The following ANO6 variants were observed in gnomAD, a reference collection of about 807,000 sequenced individuals.
The protein encoded by ANO6 is anoctamin-6.
In ANO6, 106 loss-of-function variants were observed where a neutral mutation model predicts 117.5. The observed-to-expected ratio is 0.90, with a 90% CI of 0.77 to 1.06. The LOEUF is 1.06. Among genes scored for constraint, ANO6 ranks in the 50% least tolerant of loss-of-function variants. ANO6 has a pLI of 0.00. For missense variants in ANO6, 955 were observed against 1,121.1 expected, an observed-to-expected ratio of 0.85 and a Z score of 2.12; for synonymous variants, 367 against 385.1, an observed-to-expected ratio of 0.95 and a Z score of 0.55.
chr12:45,244,174 T>C lies in ANO6; in HGVS notation c.70+27783T>C, dbSNP rs1242076325. ...GTTTCAGTTCATGTTCTTGTGATTGTCGCCTTATTTTTGTTGTAACCAAAA... is the reference window on the plus strand; with the variant it reads ...GTTTCAGTTCATGTTCTTGTGATTGCCGCCTTATTTTTGTTGTAACCAAAA... On this transcript the variant is annotated intron_variant, in intron 1 of 19. Transcript: ENST00000320560. Among the ~76,000 whole-genome samples, 5 of 152,236 alleles carry C rather than the reference T, an allele frequency of 3.3e-5. No homozygotes were observed. The East Asian group carries it at 5.8e-4, about 18-fold the overall frequency.
At chr12:45,357,540 G>A in intron 8 of ANO6, 116 bp downstream of exon 8, 1 of 1,316,392 alleles carries the variant, frequency 7.6e-7, no homozygotes. Context: ...TTCATTGCTT[G>A]GGATGATATA....
intron 1 of ANO6, among the ~76,000 whole-genome samples, chr12:45,261,694 G>A (rs770951601): frequency 2.6e-5 from 4 of 152,202 alleles, no homozygotes; most frequent in Admixed American, 2.0e-4. Flanking sequence ...AGGTGTTGCA[G>A]ACTGGCTCAT....
chr12:45,235,960 C>G (rs927705459), intron 1 of ANO6, among the ~76,000 whole-genome samples: 1 of 152,200 alleles, frequency 6.6e-6, no homozygotes, highest in Non-Finnish European at 1.5e-5. Context: ...GTGCCCCTTC[C>G]GGGATCCTGG....
intron 3 of ANO6, among the ~76,000 whole-genome samples, chr12:45,343,357 A>C (rs971141366): frequency 6.6e-6 from 1 of 152,164 alleles, no homozygotes; most frequent in East Asian, 1.9e-4. Context: ...TTCACATGCT[A>C]ACTGAAATTC....
At position 45,250,184 on chromosome 12, in the gene ANO6, G is replaced by A. The variant is rs149358838; in HGVS notation, c.70+33793G>A. Reference sequence around the variant, plus strand: ...TAAGTACTAAAAAAGTAACAGCGGCGTTTACCTGAAGATGTTTCACATGAA... The same window carrying A: ...TAAGTACTAAAAAAGTAACAGCGGCATTTACCTGAAGATGTTTCACATGAA... On this transcript the variant is annotated intron_variant, in intron 1 of 19. Coordinates refer to ENST00000320560, the MANE Select transcript of ANO6 (RefSeq NM_001025356.3). Among the ~76,000 whole-genome samples, 21 of 152,274 alleles carry A rather than the reference G, an allele frequency of 1.4e-4. 1 individual carries two copies. In the South Asian group the frequency reaches 2.5e-3, roughly 18 times the overall value.
chr12:45,403,172 C>T lies in ANO6; in HGVS notation c.1713C>T (p.Phe571=). The change falls in exon 14 of 20, where the codon TTC becomes TTT. Residue 571 remains phenylalanine (F), a synonymous_variant. Transcript: ENST00000320560. ...ACTCTTCATGCTTCTACATAGCATT[C>T]TTTAAGGGCAAATTTGTAGGCTATC... ...NYYSSCFYIA[F]FKGKFVGYPG... is the part of the protein sequence containing the mutation. The T allele has an allele frequency of 6.2e-7, 1 of 1,614,000 alleles. No homozygotes were observed. The highest frequency in any genetic ancestry group is 2.2e-5 in the East Asian group (1 of 44,844).
downstream of ANO6, among the ~76,000 whole-genome samples, chr12:45,433,617 G>A (rs550111917): frequency 6.6e-6 from 1 of 152,322 alleles, no homozygotes; most frequent in South Asian, 2.1e-4. Flanking sequence ...GCAAGAATGT[G>A]ATCTTTGTCC....
rs761870704 is a variant in ANO6, at chr12:45,323,935, ATTTTTTTTTT to A, written c.151-7350_151-7341del. ...TGTTTTTTTTTGTTGTTGTTGTTGTATTTTTTTTTTTTTTTTTTTGAGACAGAATTTTGCT... is the reference window on the plus strand; with the variant it reads ...TGTTTTTTTTTGTTGTTGTTGTTGTATTTTTTTTTGAGACAGAATTTTGCT... On this transcript the variant is annotated intron_variant, in intron 2 of 19. Transcript: ENST00000320560. Among the ~76,000 whole-genome samples the A allele has an allele frequency of 8.6e-3, 928 of 108,324 alleles. 9 individuals are homozygous for A. The highest frequency in any genetic ancestry group is 0.031 in the African/African-American group (887 of 28,230). 71.1% of individuals were successfully genotyped at this position (108,324 alleles called of 152,430 possible).
rs748105386 is a variant in ANO6, at chr12:45,403,504, A to C, written c.1848A>C (p.Ala616=). The change falls in exon 15 of 20, where the codon GCA becomes GCC. Residue 616 remains alanine (A), a synonymous_variant. Coordinates refer to ENST00000320560, the MANE Select transcript of ANO6 (RefSeq NM_001025356.3). ...TQLTIIMGGK[A]IWNNIQEVLL... is the part of the protein sequence containing the mutation. ...TGACAATAATCATGGGAGGAAAAGCAATCTGGAATAACATACAAGAAGTAT... is the reference window on the plus strand; with the variant it reads ...TGACAATAATCATGGGAGGAAAAGCCATCTGGAATAACATACAAGAAGTAT... The C allele has an allele frequency of 6.8e-6, 11 of 1,613,704 alleles. No individual in the cohort carries two copies. The highest frequency in any genetic ancestry group is 9.3e-6 in the Non-Finnish European group (11 of 1,179,616).
Position 45,418,242 on chromosome 12 carries a change from C to T in ANO6, c.2217+1338C>T, listed in dbSNP as rs550951099. 2.0e-5 allele frequency among the ~76,000 whole-genome samples: 3 copies of T among 152,330 alleles called. No individual in the cohort carries two copies. In the East Asian group the frequency reaches 5.8e-4, roughly 29 times the overall value. Reference sequence around the variant, plus strand: ...ATAAAACAAGTTATCTGGAACCTAGCTGTCATCCCTACCCCAGAACCGTAC... The same window carrying T: ...ATAAAACAAGTTATCTGGAACCTAGTTGTCATCCCTACCCCAGAACCGTAC... On this transcript the variant is annotated intron_variant, in intron 17 of 19. Coordinates refer to ENST00000320560, the MANE Select transcript of ANO6 (RefSeq NM_001025356.3).
At chr12:45,360,922 G>A (rs1206817061) in intron 8 of ANO6, among the ~76,000 whole-genome samples, 1 of 152,116 alleles carries the variant, frequency 6.6e-6, no homozygotes, top group Non-Finnish European at 1.5e-5. Context: ...AGACTCAGTT[G>A]TTTTCCATTG....
intron 3 of ANO6, among the ~76,000 whole-genome samples, chr12:45,346,119 C>T (rs1941125166): frequency 6.6e-6 from 1 of 152,078 alleles, no homozygotes; most frequent in Non-Finnish European, 1.5e-5. Context: ...TCAGTAGGCC[C>T]CACCTCTCAA....
chr12:45,310,219 T>A (rs572517665), intron 2 of ANO6, among the ~76,000 whole-genome samples: 1 of 152,228 alleles, frequency 6.6e-6, no homozygotes, highest in South Asian at 2.1e-4. Context: ...GAATACAGAA[T>A]GTTATTTTCC....
chr12:45,217,579 A>C (rs143035118), intron 1 of ANO6, among the ~76,000 whole-genome samples: 2 of 152,248 alleles, frequency 1.3e-5, no homozygotes, highest in East Asian at 3.8e-4. Context: ...CTAGTTATTC[A>C]TCTTTAAGGA....
intron 1 of ANO6, among the ~76,000 whole-genome samples, chr12:45,243,931 A>C (rs1440096091): frequency 6.6e-6 from 1 of 152,196 alleles, no homozygotes; most frequent in Non-Finnish European, 1.5e-5. Context: ...ATTTATAGCA[A>C]CTTGCCTGAT....
chr12:45,263,564 G>A (rs1033638176), intron 1 of ANO6, among the ~76,000 whole-genome samples: 1 of 151,902 alleles, frequency 6.6e-6, no homozygotes, highest in East Asian at 1.9e-4. Flanking sequence ...CTATTCTCAA[G>A]GTTAGGAGCT....
chr12:45,298,662 G>C (rs1235844814), intron 1 of ANO6, among the ~76,000 whole-genome samples: 2 of 152,058 alleles, frequency 1.3e-5, no homozygotes, highest in African/African-American at 4.8e-5. Context: ...TTTTTTCTTT[G>C]TATTGACATT....
At chr12:45,259,554 C>T (rs1379889505) in intron 1 of ANO6, among the ~76,000 whole-genome samples, 3 of 152,230 alleles carry the variant, frequency 2.0e-5, no homozygotes, top group Admixed American at 2.0e-4. Context: ...GGCAGGTACT[C>T]ACCTGCTGGA....
rs1049204877 is a variant in ANO6 at position 45,331,987 on chromosome 12, C to T, written c.279+564C>T. ...CTTGAATATGGAGACTGCTCTTGACCTCGCATTTTTCTCTGTTACCTCCCT... is the reference window on the plus strand; with the variant it reads ...CTTGAATATGGAGACTGCTCTTGACTTCGCATTTTTCTCTGTTACCTCCCT... On this transcript the variant is annotated intron_variant, in intron 3 of 19. Transcript: ENST00000320560. Among the ~76,000 whole-genome samples, 7 of 151,984 alleles carry T rather than the reference C, an allele frequency of 4.6e-5. No homozygotes were observed. In the East Asian group the frequency reaches 7.7e-4, roughly 17 times the overall value.
Sources: gnomAD v4.1 joint callset for allele counts (sites outside exome capture counted in the v4.1 genomes callset) on GRCh38, gnomAD v4.1.1 for gene constraint, MANE v1.5 for transcripts, NCBI Gene and HGNC (gene_info 2026-07-23, HGNC 2026-07-21) for gene names.